Variants in DOC2B observed in about 807,000 individuals in gnomAD.
DOC2B encodes the protein double C2 domain beta.
In DOC2B, 21 loss-of-function variants were observed where a neutral mutation model predicts 28.9. That is an observed-to-expected ratio of 0.73 (90% CI 0.52 to 1.05). DOC2B has a LOEUF of 1.05. Among genes scored for constraint, DOC2B ranks in the 50% least tolerant of loss-of-function variants. The pLI, the probability that DOC2B is intolerant of heterozygous loss-of-function variation, is 0.00. For synonymous variants in DOC2B, 194 were observed against 178.1 expected, an observed-to-expected ratio of 1.09 and a Z score of -0.71; for missense variants, 384 against 421.1, an observed-to-expected ratio of 0.91 and a Z score of 0.77.
At chr17:160,184 C>A (rs1164696516) in intron 5 of DOC2B, among the ~76,000 whole-genome samples, 2 of 152,112 alleles carry the variant, frequency 1.3e-5, no homozygotes, top group African/African-American at 4.8e-5. Flanking sequence ...GGGGTTTCGC[C>A]ATGTTGGCCA....
intron 1 of DOC2B, among the ~76,000 whole-genome samples, chr17:179,034 C>G (rs2040402267): frequency 6.6e-6 from 1 of 152,228 alleles, no homozygotes; most frequent in Admixed American, 6.5e-5. Context: ...CCCATAGGAT[C>G]CAAGCCTAGG....
At chr17:159,740 G>A (rs528515145) in intron 5 of DOC2B, among the ~76,000 whole-genome samples, 14 of 152,258 alleles carry the variant, frequency 9.2e-5, no homozygotes, top group African/African-American at 2.2e-4. Flanking sequence ...GGCCGGTAGC[G>A]CATCCAGCAA....
intron 5 of DOC2B, among the ~76,000 whole-genome samples, chr17:160,647 C>G (rs923901105): frequency 6.6e-6 from 1 of 152,188 alleles, no homozygotes; most frequent in Non-Finnish European, 1.5e-5. Context: ...CCCAGGATTT[C>G]TCTTGACCCC....
At chr17:173,782 A>G (rs2040338897) in intron 1 of DOC2B, among the ~76,000 whole-genome samples, 1 of 152,218 alleles carries the variant, frequency 6.6e-6, no homozygotes. Flanking sequence ...CAGGCCAACC[A>G]GCAGGTACGG....
At chr17:150,182 G>A (rs2040056923) in intron 6 of DOC2B, among the ~76,000 whole-genome samples, 1 of 152,208 alleles carries the variant, frequency 6.6e-6, no homozygotes, top group South Asian at 2.1e-4. Context: ...TGGAGAAGGG[G>A]ACAAGAGGTC....
At chr17:162,211 C>G in intron 3 of DOC2B, 21 bp from the exon 4 acceptor site, 1 of 1,514,542 alleles carries the variant, frequency 6.6e-7, no homozygotes, top group South Asian at 1.2e-5. Flanking sequence ...GAAAAATGAT[C>G]TTATTAGCAT....
At chr17:163,490 G>A (rs1317388231) in intron 3 of DOC2B, 1 of 152,312 alleles carries the variant, frequency 6.6e-6, no homozygotes, top group Non-Finnish European at 1.5e-5. Context: ...CTGAAGTGTA[G>A]GATGCACAGA....
chr17:153,431 A>G (rs997389800), intron 6 of DOC2B, among the ~76,000 whole-genome samples: 6 of 152,238 alleles, frequency 3.9e-5, no homozygotes, highest in African/African-American at 1.4e-4. Context: ...GGCCGGGCAC[A>G]GTGGCTCACG....
intron 4 of DOC2B, among the ~76,000 whole-genome samples, chr17:161,778 C>A (rs1029771863): frequency 1.3e-5 from 2 of 152,232 alleles, no homozygotes; most frequent in Non-Finnish European, 2.9e-5. Context: ...AAGGCAGAAC[C>A]AGTGCCAGGA....
intron 6 of DOC2B, among the ~76,000 whole-genome samples, chr17:149,554 ACTT>A (rs1324691113): frequency 1.4e-4 from 21 of 150,138 alleles, no homozygotes; most frequent in Admixed American, 3.3e-4. Flanking sequence ...TCTTGTTCAA[ACTT>A]CTTTTTTTTT....
intron 6 of DOC2B, among the ~76,000 whole-genome samples, chr17:155,400 AGG>A (rs1567528867): frequency 6.6e-6 from 1 of 152,118 alleles, no homozygotes; most frequent in Non-Finnish European, 1.5e-5. Context: ...GATGTCCCTG[AGG>A]CCTTAGTCAC....
chr17:158,855 G>C (rs547586011), intron 5 of DOC2B, among the ~76,000 whole-genome samples: 7 of 152,076 alleles, frequency 4.6e-5, no homozygotes, highest in African/African-American at 1.7e-4. Context: ...GACCAGCCTG[G>C]CCAACATGGT....
At chr17:162,641 ACTT>A (rs1277751618) in intron 3 of DOC2B, among the ~76,000 whole-genome samples, 2 of 152,246 alleles carry the variant, frequency 1.3e-5, no homozygotes, top group African/African-American at 2.4e-5. Context: ...CCACTGCTGG[ACTT>A]CTAACCTGCA....
intron 1 of DOC2B, among the ~76,000 whole-genome samples, chr17:176,685 G>C (rs2040374015): frequency 6.6e-6 from 1 of 152,250 alleles, no homozygotes; most frequent in Non-Finnish European, 1.5e-5. Flanking sequence ...CCTTGGGCTT[G>C]TGCTGGGCGT....
chr17:147,724 T>C (rs2040031289), intron 8 of DOC2B, 147 bp from the exon 9 acceptor site: 2 of 397,858 alleles, frequency 5.0e-6, no homozygotes, highest in Admixed American at 8.8e-5. Context: ...CTGACCTCCA[T>C]GCCACACTCT....
At chr17:166,111 G>A (rs1309043166) in intron 2 of DOC2B, among the ~76,000 whole-genome samples, 2 of 152,184 alleles carry the variant, frequency 1.3e-5, no homozygotes, top group Non-Finnish European at 1.5e-5. Context: ...GGACTGTGAC[G>A]AGGCCCCTGC....
intron 5 of DOC2B, among the ~76,000 whole-genome samples, chr17:158,899 G>T (rs189407614): frequency 6.7e-6 from 1 of 148,594 alleles, no homozygotes; most frequent in East Asian, 1.9e-4. Context: ...ACAAAAATTA[G>T]CCGGGTGTGG....
intron 4 of DOC2B, among the ~76,000 whole-genome samples, 155 bp downstream of exon 4, chr17:161,926 C>T (rs796629569): frequency 1.8e-4 from 28 of 152,158 alleles, no homozygotes; most frequent in African/African-American, 6.5e-4. Context: ...CGTGGGCAGA[C>T]CTTTCTGCCT....
At chr17:175,265 T>C (rs1386924879) in intron 1 of DOC2B, among the ~76,000 whole-genome samples, 4 of 152,104 alleles carry the variant, frequency 2.6e-5, no homozygotes, top group African/African-American at 9.7e-5. Flanking sequence ...AGGTCTTGAG[T>C]GAAGCCTGAG....
Sources: gnomAD v4.1 joint callset for allele counts (sites outside exome capture counted in the v4.1 genomes callset) on GRCh38, gnomAD v4.1.1 for gene constraint, MANE v1.5 for transcripts, NCBI Gene and HGNC (gene_info 2026-07-23, HGNC 2026-07-21) for gene names.